The following INPP4B variants were observed in gnomAD, a reference collection of about 807,000 sequenced individuals.
INPP4B encodes inositol polyphosphate 4-phosphatase type II.
In INPP4B, 55 loss-of-function variants were observed where a neutral mutation model predicts 122.5. The observed-to-expected ratio is 0.45, with a 90% confidence interval of 0.36 to 0.56. INPP4B has a LOEUF of 0.56. INPP4B is among the 20% of genes least tolerant of loss of function. The probability of loss-of-function intolerance (pLI) is 0.00; values close to 1 mark genes in which losing one functional copy is unlikely to be tolerated. For missense variants in INPP4B, 1,000 were observed against 1,097.7 expected, an observed-to-expected ratio of 0.91 and a Z score of 1.26; for synonymous variants, 403 against 388.7, an observed-to-expected ratio of 1.04 and a Z score of -0.43.
At chr4:142,474,585 C>G (rs1054256060) in intron 2 of INPP4B, among the ~76,000 whole-genome samples, 2 of 152,166 alleles carry the variant, frequency 1.3e-5, no homozygotes, top group Non-Finnish European at 2.9e-5. Flanking sequence ...CTGTGTGAAC[C>G]TAGCTGGAGG....
intron 1 of INPP4B, among the ~76,000 whole-genome samples, chr4:142,827,199 G>T (rs1781556379): frequency 6.6e-6 from 1 of 152,148 alleles, no homozygotes; most frequent in Non-Finnish European, 1.5e-5. Context: ...ACACCAGCCA[G>T]CCCCATGTTG....
intron 11 of INPP4B, among the ~76,000 whole-genome samples, chr4:142,258,609 A>G (rs1737836103): frequency 6.6e-6 from 1 of 152,246 alleles, no homozygotes; most frequent in South Asian, 2.1e-4. Context: ...AAAAATGCTC[A>G]CCATCACTGG....
chr4:142,836,329 G>A (rs1414637420), intron 1 of INPP4B, among the ~76,000 whole-genome samples: 1 of 151,730 alleles, frequency 6.6e-6, no homozygotes. Flanking sequence ...AATCCTATCA[G>A]ATATTAAGGA....
At position 142,160,395 on chromosome 4, in the gene INPP4B, G is replaced by A. The variant is rs775054204; in HGVS notation, c.1526C>T (p.Ser509Phe). 1.3e-6 allele frequency: 2 copies of A among 1,590,476 alleles called. No homozygotes were observed. The change falls in exon 17 of 26, where the codon TCC (serine) becomes TTC (phenylalanine). Residue 509 changes from serine to phenylalanine, a missense_variant. Coordinates refer to ENST00000262992, the MANE Select transcript of INPP4B (RefSeq NM_001101669.3). ...DQPPVMRGQD[S>F]IPHHSDYDEE... ...ATCATAGTCTGAATGATGTGGTATG[G>A]AGTCCTGCCCTCTCATCACTGGGGG... is the stretch of plus-strand genomic sequence containing the variant.
chr4:142,655,841 C>T (rs1433656044), intron 2 of INPP4B, among the ~76,000 whole-genome samples: 5 of 152,170 alleles, frequency 3.3e-5, no homozygotes, highest in Admixed American at 6.5e-5. Flanking sequence ...CTCTCAAAAG[C>T]CTCTTGCATT....
At chr4:142,640,335 C>G (rs936737549) in intron 2 of INPP4B, among the ~76,000 whole-genome samples, 5 of 151,590 alleles carry the variant, frequency 3.3e-5, no homozygotes, top group Non-Finnish European at 1.5e-5. Flanking sequence ...TTATGTGGTA[C>G]TGGTACAAGG....
chr4:142,532,741 A>G (rs1196213157), intron 2 of INPP4B, among the ~76,000 whole-genome samples: 4 of 152,230 alleles, frequency 2.6e-5, no homozygotes, highest in Non-Finnish European at 4.4e-5. Flanking sequence ...GAATATGACA[A>G]AATACTTAAA....
At chr4:142,120,297 TC>T (rs775201457) in intron 21 of INPP4B, among the ~76,000 whole-genome samples, 12 of 152,126 alleles carry the variant, frequency 7.9e-5, no homozygotes, top group Non-Finnish European at 1.3e-4. Flanking sequence ...ACTTTGTTCT[TC>T]TTTTACAAAA....
intron 2 of INPP4B, among the ~76,000 whole-genome samples, chr4:142,472,567 T>C (rs1819050464): frequency 6.6e-6 from 1 of 152,214 alleles, no homozygotes; most frequent in African/African-American, 2.4e-5. Context: ...TGAATATTCT[T>C]TATGTTCCCA....
chr4:142,628,469 G>A (rs559481863), intron 2 of INPP4B, among the ~76,000 whole-genome samples: 1 of 130,424 alleles, frequency 7.7e-6, no homozygotes, highest in Non-Finnish European at 1.6e-5. Flanking sequence ...GCTAGATGAC[G>A]AGTTAGTGGG....
chr4:142,394,881 C>T (rs192317411), intron 7 of INPP4B, among the ~76,000 whole-genome samples: 1 of 152,078 alleles, frequency 6.6e-6, no homozygotes, highest in Non-Finnish European at 1.5e-5. Context: ...TATCTTTGCT[C>T]AGATCAATGT....
chr4:142,524,155 T>G (rs1051329392), intron 2 of INPP4B, among the ~76,000 whole-genome samples: 1 of 152,016 alleles, frequency 6.6e-6, no homozygotes, highest in Non-Finnish European at 1.5e-5. Context: ...TGATTTATAG[T>G]CCTTTGGGTA....
At chr4:142,341,903 A>G (rs1288699108) in intron 7 of INPP4B, among the ~76,000 whole-genome samples, 1 of 152,120 alleles carries the variant, frequency 6.6e-6, no homozygotes, top group East Asian at 1.9e-4. Flanking sequence ...GGAGTGATCA[A>G]TGAAACAGAT....
chr4:142,659,673 C>A (rs896080689), intron 2 of INPP4B, among the ~76,000 whole-genome samples: 1 of 152,020 alleles, frequency 6.6e-6, no homozygotes, highest in African/African-American at 2.4e-5. Flanking sequence ...ATAGGATGCC[C>A]ATCACTCGGA....
At chr4:142,542,903 T>C (rs1196415268) in intron 2 of INPP4B, among the ~76,000 whole-genome samples, 1 of 152,188 alleles carries the variant, frequency 6.6e-6, no homozygotes, top group Non-Finnish European at 1.5e-5. Flanking sequence ...GTAAATCTTC[T>C]GTGTTCAAAA....
intron 1 of INPP4B, among the ~76,000 whole-genome samples, chr4:142,766,512 A>C (rs555926954): frequency 6.6e-6 from 1 of 151,940 alleles, no homozygotes; most frequent in African/African-American, 2.4e-5. Context: ...CTGGGATTAC[A>C]GCCGTGCACC....
chr4:142,308,206 T>G (rs1764172532), intron 8 of INPP4B, among the ~76,000 whole-genome samples: 1 of 152,162 alleles, frequency 6.6e-6, no homozygotes, highest in Admixed American at 6.6e-5. Context: ...ATTATAACTG[T>G]CAGCCACTTG....
intron 3 of INPP4B, among the ~76,000 whole-genome samples, chr4:142,448,834 G>A (rs1351369387): frequency 6.6e-6 from 1 of 152,144 alleles, no homozygotes; most frequent in African/African-American, 2.4e-5. Context: ...AGTTTCAGGA[G>A]AAAGGTTCTC....
intron 17 of INPP4B, among the ~76,000 whole-genome samples, chr4:142,150,760 G>A (rs185752170): frequency 1.4e-4 from 22 of 152,296 alleles, no homozygotes; most frequent in African/African-American, 4.6e-4. Context: ...GAGCCATGAA[G>A]GCAGGCAGCA....
Sources: gnomAD v4.1 joint callset for allele counts (sites outside exome capture counted in the v4.1 genomes callset) on GRCh38, gnomAD v4.1.1 for gene constraint, MANE v1.5 for transcripts, NCBI Gene and HGNC (gene_info 2026-07-23, HGNC 2026-07-21) for gene names.